Variants in PCDH9 observed in about 807,000 individuals in gnomAD.
PCDH9 encodes the protein protocadherin-9.
Under a neutral mutation model 70.6 loss-of-function variants are expected in PCDH9, and 24 were observed. The observed-to-expected ratio is 0.34, with a 90% CI of 0.25 to 0.48. The LOEUF (loss-of-function observed/expected upper bound fraction) is 0.48, where lower values mean the gene tolerates loss of function less well. Ranked by LOEUF, PCDH9 falls within the 20% of genes least tolerant of loss-of-function variation. PCDH9 has a pLI of 0.99. For missense variants in PCDH9, 1,281 were observed against 1,503.6 expected (o/e 0.85, Z 2.45); for synonymous variants, 562 against 558.5 (o/e 1.01, Z -0.09).
chr13:66,780,418 G>T (rs564693161), intron 3 of PCDH9, among the ~76,000 whole-genome samples: 1 of 152,242 alleles, frequency 6.6e-6, no homozygotes, highest in East Asian at 1.9e-4. Flanking sequence ...AAGCAACCCA[G>T]GTGCAAATGC....
At chr13:66,692,315 T>C (rs2078499593) in intron 3 of PCDH9, among the ~76,000 whole-genome samples, 1 of 152,022 alleles carries the variant, frequency 6.6e-6, no homozygotes, top group Admixed American at 6.6e-5. Flanking sequence ...AAAAAAGCAT[T>C]CCTTTACCCT....
At chr13:67,228,775 T>G (rs1593661722) in intron 1 of PCDH9, among the ~76,000 whole-genome samples, 200 bp from the exon 2 acceptor site, 1 of 152,202 alleles carries the variant, frequency 6.6e-6, no homozygotes, top group East Asian at 1.9e-4. Flanking sequence ...AATTTTCTAC[T>G]TTTGAATTAA....
rs1230844933 is a variant in PCDH9, at chr13:67,225,569, C to T, written c.2872G>A (p.Val958Met). 11 of 1,614,022 alleles carry T rather than the reference C, an allele frequency of 6.8e-6. No individual in the cohort carries two copies. Among genetic ancestry groups the T allele is most frequent in the African/African-American group, 4.0e-5 (3 of 74,898 alleles). Residue 958 changes from valine (V) to methionine (M), a missense_variant, in exon 2 of 5, where the codon GTG becomes ATG. Transcript: ENST00000377865. ...FHLKPDTPVS[V>M]KKHHVIQELP... ...TCCTGAATCACGTGGTGCTTTTTCACGGAAACTGGAGTGTCTGGTTTGAGA... is the reference window on the plus strand; with the variant it reads ...TCCTGAATCACGTGGTGCTTTTTCATGGAAACTGGAGTGTCTGGTTTGAGA...
chr13:66,833,204 A>G (rs1447834044), intron 3 of PCDH9, among the ~76,000 whole-genome samples: 1 of 152,108 alleles, frequency 6.6e-6, no homozygotes, highest in African/African-American at 2.4e-5. Context: ...GTTGTTACTG[A>G]TTTCTCAGAG....
chr13:66,909,575 C>G (rs189283852), intron 2 of PCDH9, among the ~76,000 whole-genome samples: 1 of 152,144 alleles, frequency 6.6e-6, no homozygotes, highest in Non-Finnish European at 1.5e-5. Context: ...GGAGACCATC[C>G]TGGCTAACAT....
At chr13:66,740,054 A>T (rs2079232414) in intron 3 of PCDH9, among the ~76,000 whole-genome samples, 1 of 150,766 alleles carries the variant, frequency 6.6e-6, no homozygotes, top group South Asian at 2.1e-4. Context: ...TCAGCACCAC[A>T]CCACACCTAT....
At chr13:67,049,490 T>A (rs938399887) in intron 2 of PCDH9, among the ~76,000 whole-genome samples, 1 of 152,170 alleles carries the variant, frequency 6.6e-6, no homozygotes, top group Non-Finnish European at 1.5e-5. Context: ...AGGGGCAGAT[T>A]ATTATAGTTC....
intron 2 of PCDH9, among the ~76,000 whole-genome samples, chr13:66,906,506 G>T (rs1239557662): frequency 6.6e-6 from 1 of 152,086 alleles, no homozygotes; most frequent in Non-Finnish European, 1.5e-5. Flanking sequence ...AAGAAAATAT[G>T]CAACATAACA....
intron 3 of PCDH9, among the ~76,000 whole-genome samples, chr13:66,766,684 A>G (rs1202130398): frequency 6.6e-6 from 1 of 151,944 alleles, no homozygotes; most frequent in Non-Finnish European, 1.5e-5. Flanking sequence ...AGTACTAAAA[A>G]TAGCTTCAGT....
At chr13:66,665,731 G>A (rs1428804227) in intron 3 of PCDH9, among the ~76,000 whole-genome samples, 2 of 152,016 alleles carry the variant, frequency 1.3e-5, no homozygotes, top group Non-Finnish European at 2.9e-5. Context: ...AATTGTGTGA[G>A]CTCAATGTAA....
At chr13:66,959,724 C>G (rs1421713490) in intron 2 of PCDH9, among the ~76,000 whole-genome samples, 2 of 149,744 alleles carry the variant, frequency 1.3e-5, no homozygotes, top group Non-Finnish European at 3.0e-5. Context: ...GCACTCCACC[C>G]TGGGCAACAG....
intron 2 of PCDH9, among the ~76,000 whole-genome samples, chr13:67,079,186 C>T (rs998047472): frequency 5.3e-5 from 8 of 151,458 alleles, no homozygotes; most frequent in South Asian, 4.2e-4. Context: ...TAAAGAATAA[C>T]GAGACATGGA....
intron 4 of PCDH9, among the ~76,000 whole-genome samples, chr13:66,506,850 C>G (rs1355882946): frequency 2.0e-5 from 3 of 152,182 alleles, no homozygotes; most frequent in Admixed American, 2.0e-4. Flanking sequence ...GGAAGAAATA[C>G]TTTTTCAATA....
chr13:67,017,409 C>T (rs1319659490), intron 2 of PCDH9, among the ~76,000 whole-genome samples: 1 of 152,166 alleles, frequency 6.6e-6, no homozygotes, highest in African/African-American at 2.4e-5. Flanking sequence ...AAGCAATTTA[C>T]AGGCATTGAT....
At chr13:66,676,463 A>G (rs1352461194) in intron 3 of PCDH9, among the ~76,000 whole-genome samples, 4 of 152,098 alleles carry the variant, frequency 2.6e-5, no homozygotes, top group African/African-American at 9.7e-5. Flanking sequence ...AAAATTAAAT[A>G]CACCTAACCA....
chr13:66,966,634 T>G (rs1287013902), intron 2 of PCDH9, among the ~76,000 whole-genome samples: 1 of 152,136 alleles, frequency 6.6e-6, no homozygotes, highest in East Asian at 1.9e-4. Context: ...TTGCTACAAA[T>G]TTCTATAATT....
At chr13:66,561,697 C>G (rs929311533) in intron 4 of PCDH9, among the ~76,000 whole-genome samples, 1 of 152,048 alleles carries the variant, frequency 6.6e-6, no homozygotes, top group African/African-American at 2.4e-5. Flanking sequence ...CTGTATCTAG[C>G]TAATCTAGTG....
intron 3 of PCDH9, among the ~76,000 whole-genome samples, chr13:66,683,417 A>T (rs1462043561): frequency 6.6e-6 from 1 of 152,046 alleles, no homozygotes; most frequent in Non-Finnish European, 1.5e-5. Flanking sequence ...AAATGTTCCC[A>T]CTTCCCCTCT....
chr13:66,619,003 C>T (rs2077391297), intron 4 of PCDH9, among the ~76,000 whole-genome samples: 1 of 152,150 alleles, frequency 6.6e-6, no homozygotes, highest in African/African-American at 2.4e-5. Flanking sequence ...TAAAATATTA[C>T]TAACTTTAAA....
Sources: gnomAD v4.1 joint callset for allele counts (sites outside exome capture counted in the v4.1 genomes callset) on GRCh38, gnomAD v4.1.1 for gene constraint, MANE v1.5 for transcripts, NCBI Gene and HGNC (gene_info 2026-07-23, HGNC 2026-07-21) for gene names.